The following INO80 variants were observed in gnomAD, a reference collection of about 807,000 sequenced individuals.
The protein encoded by INO80 is chromatin-remodeling ATPase INO80.
In INO80, 20 loss-of-function variants were observed where a neutral mutation model predicts 203.4. The observed-to-expected ratio is 0.10, with a 90% confidence interval of 0.07 to 0.14. INO80 has a LOEUF of 0.14. Ranked by LOEUF, INO80 falls within the 10% of genes least tolerant of loss-of-function variation. The pLI is 1.00. For synonymous variants in INO80, 726 were observed against 685.2 expected, an observed-to-expected ratio of 1.06 and a Z score of -0.93; for missense variants, 1,419 against 1,914.4, an observed-to-expected ratio of 0.74 and a Z score of 4.83.
chr15:41,046,919 T>C (rs1346730468), intron 23 of INO80, among the ~76,000 whole-genome samples: 2 of 150,880 alleles, frequency 1.3e-5, no homozygotes, highest in Non-Finnish European at 3.0e-5. Context: ...CGCCTGGGCC[T>C]GGTCAACAAA....
intron 14 of INO80, among the ~76,000 whole-genome samples, chr15:41,066,279 A>AT (rs915188652): frequency 9.2e-5 from 14 of 151,930 alleles, no homozygotes; most frequent in African/African-American, 3.1e-4. Context: ...CACCCGGCCC[A>AT]TTTTTTTATA....
At chr15:40,981,250 G>C (rs1350286061) in intron 35 of INO80, among the ~76,000 whole-genome samples, 1 of 152,098 alleles carries the variant, frequency 6.6e-6, no homozygotes, top group African/African-American at 2.4e-5. Flanking sequence ...AAGCACTGTT[G>C]GTTTTTCTTG....
Position 41,024,878 on chromosome 15 carries a change from T to C in INO80, c.3048+2718A>G, listed in dbSNP as rs2044352854. The stretch of plus-strand genomic sequence containing the variant: ...GGTTAGAAGTCAATATAAGATATAA[T>C]TAGGGTATCTCATGAAATTTTGCCT... On this transcript the variant is annotated intron_variant, in intron 25 of 35. Transcript: ENST00000648947. 2.0e-5 allele frequency among the ~76,000 whole-genome samples: 3 copies of C among 152,210 alleles called. No individual in the cohort carries two copies. In the South Asian group the frequency reaches 6.2e-4, roughly 31 times the overall value.
At chr15:41,024,658 C>T (rs2044349711) in intron 25 of INO80, 1 of 152,228 alleles carries the variant, frequency 6.6e-6, no homozygotes, top group South Asian at 2.1e-4. Context: ...TTCCTAAGGC[C>T]TTAATTTATT....
chr15:41,019,772 A>C (rs543611226), intron 26 of INO80, among the ~76,000 whole-genome samples: 32 of 152,362 alleles, frequency 2.1e-4, no homozygotes, highest in African/African-American at 6.7e-4. Context: ...TTCTCAAAGC[A>C]CTAACAGGCT....
intron 32 of INO80, among the ~76,000 whole-genome samples, chr15:40,984,654 T>A (rs1295616855): frequency 2.7e-5 from 4 of 149,268 alleles, no homozygotes; most frequent in Non-Finnish European, 4.4e-5. Flanking sequence ...AAAGAGCTTA[T>A]GAATATCTGC....
At position 41,052,586 on chromosome 15, in the gene INO80, CTGCT is replaced by C. The variant is rs1384596898; in HGVS notation, c.2274+1339_2274+1342del. ...TACTAGGGAAGCTGAGGTGGGAGGA[CTGCT>C]TGAGCCAAGGAGGTCAAAGCTGAAG... On this transcript the variant is annotated intron_variant, in intron 19 of 35. Coordinates refer to ENST00000648947, the MANE Select transcript of INO80 (RefSeq NM_017553.3). 2.0e-5 allele frequency among the ~76,000 whole-genome samples: 3 copies of C among 148,226 alleles called. No homozygotes were observed. In the Admixed American group the frequency reaches 2.1e-4, roughly 10 times the overall value.
At chr15:40,987,766 G>C in intron 30 of INO80, 50 bp downstream of exon 30, 2 of 1,552,264 alleles carry the variant, frequency 1.3e-6, no homozygotes, top group South Asian at 2.3e-5. Flanking sequence ...AATGTGGTTG[G>C]ACTTTCTGTT....
Position 41,081,056 on chromosome 15 carries a change from A to C in INO80, c.891T>G (p.Ala297=). Residue 297 remains alanine (A), a synonymous_variant, in exon 8 of 36, where the codon GCT becomes GCG. Transcript: ENST00000648947. ...TGGTGAGAAACAGGTTACGAGCTGA[A>C]GCTTTCTGCTTATTTGCCTAAAATA... is the stretch of plus-strand genomic sequence containing the variant. ...KELPKANKQK[A]SARNLFLTNS... is the part of the protein sequence containing the mutation. 1.3e-6 allele frequency: 2 copies of C among 1,599,230 alleles called. No homozygotes were observed. The highest frequency in any genetic ancestry group is 1.7e-6 in the Non-Finnish European group (2 of 1,166,956).
At chr15:41,057,820 A>AT (rs2045021264) in intron 16 of INO80, among the ~76,000 whole-genome samples, 2 of 145,824 alleles carry the variant, frequency 1.4e-5, no homozygotes, top group East Asian at 4.0e-4. Context: ...AAAAAAAAAA[A>AT]GAAAGAAAGA....
rs537275825 is a variant in INO80 at position 41,026,370 on chromosome 15, T to G, written c.3048+1226A>C. 2.0e-5 allele frequency among the ~76,000 whole-genome samples: 3 copies of G among 151,992 alleles called. No individual in the cohort carries two copies. The East Asian group carries it at 5.8e-4, about 29-fold the overall frequency. On this transcript the variant is annotated intron_variant, in intron 25 of 35. Coordinates refer to ENST00000648947, the MANE Select transcript of INO80 (RefSeq NM_017553.3). Reference sequence around the variant, plus strand: ...GAGTTGGAGAATAGCCTGGGCGACATGACAAAACCTCGTCTTTACAAAAAA... The same window carrying G: ...GAGTTGGAGAATAGCCTGGGCGACAGGACAAAACCTCGTCTTTACAAAAAA...
At chr15:40,983,100 AGGG>A in intron 34 of INO80, 23 bp from the exon 35 acceptor site, 4 of 1,572,492 alleles carry the variant, frequency 2.5e-6, no homozygotes, top group Admixed American at 3.5e-5. Flanking sequence ...ATGGGCCAAA[AGGG>A]AAAGAAAAAA....
intron 8 of INO80, among the ~76,000 whole-genome samples, chr15:41,080,542 G>A (rs2045470332): frequency 6.6e-6 from 1 of 152,180 alleles, no homozygotes; most frequent in South Asian, 2.1e-4. Flanking sequence ...AGAAATGTGA[G>A]GAAGAACAAT....
At chr15:41,073,866 C>A (rs2045361006) in intron 10 of INO80, among the ~76,000 whole-genome samples, 1 of 152,088 alleles carries the variant, frequency 6.6e-6, no homozygotes, top group Non-Finnish European at 1.5e-5. Context: ...CATATTTAAA[C>A]CCCAAGATAC....
chr15:41,111,964 G>C (rs940376517), intron 1 of INO80, among the ~76,000 whole-genome samples: 5 of 152,106 alleles, frequency 3.3e-5, no homozygotes, highest in African/African-American at 1.2e-4. Flanking sequence ...GAGTGCAGTG[G>C]CACAATCAGG....
intron 9 of INO80, among the ~76,000 whole-genome samples, chr15:41,075,485 C>T (rs1185590145): frequency 6.6e-6 from 1 of 151,500 alleles, no homozygotes; most frequent in African/African-American, 2.4e-5. Flanking sequence ...GGCAGAGTCT[C>T]CCTCTGTCGC....
At chr15:40,995,962 G>A (rs1440189690) in intron 29 of INO80, among the ~76,000 whole-genome samples, 2 of 152,134 alleles carry the variant, frequency 1.3e-5, no homozygotes, top group African/African-American at 4.8e-5. Context: ...GCCGTACCTG[G>A]TTAACTGAAA....
At chr15:41,108,086 CA>C (rs1440689567) in intron 1 of INO80, among the ~76,000 whole-genome samples, 3 of 152,032 alleles carry the variant, frequency 2.0e-5, no homozygotes, top group Admixed American at 6.6e-5. Context: ...GGCAACAGAG[CA>C]ATACTATGTC....
chr15:41,073,766 A>T (rs2045359425), intron 10 of INO80, among the ~76,000 whole-genome samples: 1 of 152,184 alleles, frequency 6.6e-6, no homozygotes, highest in African/African-American at 2.4e-5. Context: ...TCTACCAAAT[A>T]ATACCAAGCT....
Sources: allele counts gnomAD v4.1 joint callset (sites outside exome capture counted in the v4.1 genomes callset), GRCh38; gene constraint gnomAD v4.1.1; transcripts MANE v1.5; gene names NCBI Gene and HGNC (gene_info 2026-07-23, HGNC 2026-07-21).